The following TENM3 variants were observed in gnomAD, a reference collection of about 807,000 sequenced individuals.
The protein encoded by TENM3 is teneurin-3.
Under a neutral mutation model 255.1 loss-of-function variants are expected in TENM3, and 63 were observed. The observed-to-expected ratio is 0.25, with a 90% CI of 0.20 to 0.30. The LOEUF is 0.30. Among genes scored for constraint, TENM3 ranks in the 10% least tolerant of loss-of-function variants. TENM3 has a pLI of 1.00. For synonymous variants in TENM3, 1,306 were observed against 1,322.3 expected, an observed-to-expected ratio of 0.99 and a Z score of 0.27; for missense variants, 2,929 against 3,461.1, an observed-to-expected ratio of 0.85 and a Z score of 3.86.
chr4:181,772,961 AT>A, the TENM3 span, among the ~76,000 whole-genome samples: 1 of 152,192 alleles, frequency 6.6e-6, no homozygotes, highest in African/African-American at 2.4e-5. Context: ...AACACAGTTC[AT>A]TCTCTCAAAA....
chr4:181,846,709 T>G, the TENM3 span, among the ~76,000 whole-genome samples: 1 of 152,174 alleles, frequency 6.6e-6, no homozygotes, highest in Non-Finnish European at 1.5e-5. Context: ...CAAATATTTA[T>G]TAATTGACCA....
At chr4:182,139,276 GC>G (rs1388625373), upstream of TENM3, among the ~76,000 whole-genome samples, 1 of 152,166 alleles carries the variant, frequency 6.6e-6, no homozygotes, top group Non-Finnish European at 1.5e-5. Flanking sequence ...TGTTCCAGGG[GC>G]CCCGGATGCA....
chr4:181,756,018 A>T, the TENM3 span, among the ~76,000 whole-genome samples: 1 of 152,156 alleles, frequency 6.6e-6, no homozygotes, highest in Non-Finnish European at 1.5e-5. Context: ...TGACGTGCCA[A>T]ATCTCTAAAT....
the TENM3 span, among the ~76,000 whole-genome samples, chr4:181,750,792 T>G: frequency 1.3e-5 from 2 of 152,192 alleles, no homozygotes; most frequent in African/African-American, 4.8e-5. Context: ...CGGTAACAGA[T>G]ACCCATAGCA....
At chr4:182,123,155 A>G in the TENM3 span, among the ~76,000 whole-genome samples, 41 of 151,964 alleles carry the variant, frequency 2.7e-4, no homozygotes, top group Non-Finnish European at 4.4e-4. Context: ...TTTTGTTGTT[A>G]TTGTTGTTGT....
At chr4:182,031,959 C>T in the TENM3 span, among the ~76,000 whole-genome samples, 1,943 of 152,204 alleles carry the variant, frequency 0.013, 46 homozygotes, top group African/African-American at 0.044. Context: ...TGGGCTCAGA[C>T]GATGGGGTTT....
intron 3 of TENM3, among the ~76,000 whole-genome samples, chr4:182,466,518 A>C (rs1472831159): frequency 6.6e-6 from 1 of 151,124 alleles, no homozygotes; most frequent in East Asian, 1.9e-4. Flanking sequence ...TTTTTTGTGG[A>C]GGTGGGGTCT....
chr4:181,858,662 C>G, the TENM3 span, among the ~76,000 whole-genome samples: 1 of 152,060 alleles, frequency 6.6e-6, no homozygotes, highest in South Asian at 2.1e-4. Flanking sequence ...GAAGGATATG[C>G]CAGGGGATGG....
chr4:181,555,779 G>T, the TENM3 span, among the ~76,000 whole-genome samples: 1 of 152,170 alleles, frequency 6.6e-6, no homozygotes, highest in Admixed American at 6.5e-5. Flanking sequence ...TGAATGAAAT[G>T]AATGTGGAAG....
intron 3 of TENM3, among the ~76,000 whole-genome samples, chr4:182,380,617 G>T (rs939101739): frequency 6.6e-6 from 1 of 151,954 alleles, no homozygotes; most frequent in South Asian, 2.1e-4. Flanking sequence ...ATCAGTTTTG[G>T]TAATACCCTG....
intron 11 of TENM3, among the ~76,000 whole-genome samples, chr4:182,683,287 TA>T (rs2152568399): frequency 6.6e-6 from 1 of 152,166 alleles, no homozygotes; most frequent in East Asian, 1.9e-4. Context: ...GCTTGGCTGA[TA>T]ATAAATTCTA....
At chr4:181,906,781 A>G in the TENM3 span, among the ~76,000 whole-genome samples, 3 of 152,234 alleles carry the variant, frequency 2.0e-5, no homozygotes, top group Admixed American at 1.3e-4. Flanking sequence ...TCCTGAGCCC[A>G]AGCGATCCTC....
At chr4:181,921,019 G>A in the TENM3 span, among the ~76,000 whole-genome samples, 2 of 152,160 alleles carry the variant, frequency 1.3e-5, no homozygotes, top group African/African-American at 4.8e-5. Flanking sequence ...ATTTTTCTCA[G>A]GTTTGTCAAA....
intron 1 of TENM3, among the ~76,000 whole-genome samples, chr4:182,159,392 C>G (rs776482825): frequency 4.6e-5 from 7 of 152,046 alleles, no homozygotes; most frequent in Non-Finnish European, 1.0e-4. Flanking sequence ...TGAGCTAACA[C>G]ACAGGGAGGT....
chr4:181,756,494 G>T, the TENM3 span, among the ~76,000 whole-genome samples: 2 of 152,210 alleles, frequency 1.3e-5, no homozygotes, highest in South Asian at 4.1e-4. Flanking sequence ...AAAATTGAAT[G>T]CTATGTGCTC....
chr4:182,630,283 T>A (rs1430041090), intron 5 of TENM3, among the ~76,000 whole-genome samples: 1 of 152,114 alleles, frequency 6.6e-6, no homozygotes, highest in East Asian at 1.9e-4. Context: ...TGAAGGTAAA[T>A]GAGTAATTTC....
At chr4:181,546,274 T>C in the TENM3 span, among the ~76,000 whole-genome samples, 1 of 152,202 alleles carries the variant, frequency 6.6e-6, no homozygotes, top group Non-Finnish European at 1.5e-5. Flanking sequence ...GGCCATTGAT[T>C]AGTCCAAAAT....
the TENM3 span, among the ~76,000 whole-genome samples, chr4:181,671,790 T>G: frequency 2.0e-5 from 3 of 152,086 alleles, no homozygotes; most frequent in African/African-American, 7.2e-5. Context: ...GCAAAGGGCT[T>G]GGCACCTGGT....
At chr4:182,523,589 G>A (rs1475697396) in intron 3 of TENM3, among the ~76,000 whole-genome samples, 3 of 152,158 alleles carry the variant, frequency 2.0e-5, no homozygotes, top group East Asian at 1.9e-4. Context: ...TCATAACATC[G>A]TGGAATAATC....
Sources: gnomAD v4.1 joint callset for allele counts (sites outside exome capture counted in the v4.1 genomes callset) on GRCh38, gnomAD v4.1.1 for gene constraint, MANE v1.5 for transcripts, NCBI Gene and HGNC (gene_info 2026-07-23, HGNC 2026-07-21) for gene names.